SDK1: variants seen among roughly 807,000 people sequenced by gnomAD.
SDK1 encodes protein sidekick-1.
In SDK1, 157 loss-of-function variants were observed where a neutral mutation model predicts 245.5. That is an observed-to-expected ratio of 0.64 (90% CI 0.56 to 0.73). The LOEUF (loss-of-function observed/expected upper bound fraction) is 0.73. Among genes scored for constraint, SDK1 ranks in the 30% least tolerant of loss-of-function variants. The pLI, the probability that SDK1 is intolerant of heterozygous loss-of-function variation, is 0.00. For synonymous variants in SDK1, 1,647 were observed against 1,278.5 expected (o/e 1.29, Z -6.15); for missense variants, 3,583 against 3,002.3 (o/e 1.19, Z -4.52).
chr7:3,940,473 T>C (rs1371108517), intron 5 of SDK1, among the ~76,000 whole-genome samples: 5 of 152,342 alleles, frequency 3.3e-5, no homozygotes, highest in Non-Finnish European at 7.3e-5. Flanking sequence ...TCCCGTTTTA[T>C]GGCATCTTCT....
chr7:3,916,765 C>T (rs1053044410), intron 5 of SDK1, among the ~76,000 whole-genome samples: 2 of 152,208 alleles, frequency 1.3e-5, no homozygotes, highest in African/African-American at 2.4e-5. Flanking sequence ...ATATACTTTA[C>T]ATTACCCTTC....
At chr7:3,657,865 A>G (rs892377054) in intron 4 of SDK1, among the ~76,000 whole-genome samples, 1 of 152,236 alleles carries the variant, frequency 6.6e-6, no homozygotes, top group Non-Finnish European at 1.5e-5. Flanking sequence ...GAAAGTGGCT[A>G]AATGATATAA....
At chr7:3,860,924 G>T (rs932595014) in intron 5 of SDK1, among the ~76,000 whole-genome samples, 1 of 152,106 alleles carries the variant, frequency 6.6e-6, no homozygotes, top group African/African-American at 2.4e-5. Context: ...TTAAAAACCT[G>T]CTTGCAACAA....
intron 26 of SDK1, among the ~76,000 whole-genome samples, chr7:4,128,870 G>T (rs1784577020): frequency 7.1e-6 from 1 of 140,502 alleles, no homozygotes. Flanking sequence ...GCAGCTTGGG[G>T]TGGGGTGCCC....
intron 32 of SDK1, among the ~76,000 whole-genome samples, chr7:4,167,381 G>A (rs1349094015): frequency 2.0e-5 from 3 of 151,914 alleles, no homozygotes; most frequent in African/African-American, 4.8e-5. Flanking sequence ...CCAGCCTGGC[G>A]ACAGAGCAAG....
intron 1 of SDK1, among the ~76,000 whole-genome samples, chr7:3,614,750 T>C (rs921814806): frequency 1.3e-5 from 2 of 152,208 alleles, no homozygotes; most frequent in African/African-American, 4.8e-5. Context: ...AAAATACGTG[T>C]CGTTATGATT....
intron 4 of SDK1, among the ~76,000 whole-genome samples, chr7:3,775,484 C>G (rs909923340): frequency 2.0e-5 from 3 of 151,392 alleles, no homozygotes; most frequent in Non-Finnish European, 4.4e-5. Context: ...ATCTCCAGCT[C>G]TGACACATAT....
intron 44 of SDK1, among the ~76,000 whole-genome samples, chr7:4,250,391 T>TGG: frequency 6.6e-6 from 1 of 152,210 alleles, no homozygotes; most frequent in South Asian, 2.1e-4. Flanking sequence ...TCGCTCAGGC[T>TGG]GGAGTGCAGT....
intron 22 of SDK1, among the ~76,000 whole-genome samples, chr7:4,099,277 T>G (rs73044491): frequency 6.6e-6 from 1 of 150,508 alleles, no homozygotes; most frequent in African/African-American, 2.4e-5. Context: ...GAGAGACAAA[T>G]GGCATTGGAA....
intron 22 of SDK1, among the ~76,000 whole-genome samples, chr7:4,092,993 T>G (rs1044170826): frequency 5.9e-5 from 9 of 152,178 alleles, no homozygotes; most frequent in African/African-American, 1.2e-4. Flanking sequence ...TTTTTAAAAG[T>G]GCACCAAGAA....
intron 1 of SDK1, among the ~76,000 whole-genome samples, chr7:3,349,222 A>C (rs1043386112): frequency 1.3e-5 from 2 of 152,104 alleles, no homozygotes; most frequent in African/African-American, 4.8e-5. Context: ...CAACAAAACA[A>C]ACACACAACA....
At chr7:3,479,597 C>T (rs900303660) in intron 1 of SDK1, among the ~76,000 whole-genome samples, 1 of 151,608 alleles carries the variant, frequency 6.6e-6, no homozygotes, top group African/African-American at 2.4e-5. Context: ...GGCATGGTGG[C>T]TCACGCCTGT....
intron 4 of SDK1, among the ~76,000 whole-genome samples, chr7:3,700,142 C>G (rs1395887578): frequency 6.6e-6 from 1 of 152,078 alleles, no homozygotes; most frequent in Non-Finnish European, 1.5e-5. Flanking sequence ...CAGACATTCT[C>G]AAATGAAGGG....
Position 4,026,767 on chromosome 7 carries a change from C to T in SDK1, c.2602+9415C>T, listed in dbSNP as rs1164537457. Among the ~76,000 whole-genome samples, 3 of 152,132 alleles carry T rather than the reference C, an allele frequency of 2.0e-5. No homozygotes were observed. The highest frequency in any genetic ancestry group is 6.5e-5 in the Admixed American group (1 of 15,280). On this transcript the variant is annotated intron_variant, in intron 17 of 44. Transcript: ENST00000404826. The surrounding 1 kb of genome is among the most constrained non-coding windows in gnomAD (Gnocchi z 4.1). The stretch of plus-strand genomic sequence containing the variant: ...ATCAAAACTGCAAGCACCATAACAA[C>T]GCGAGAACTCAGCCGTGGCCCATAA...
At chr7:3,550,098 ACATG>A (rs1248254696) in intron 1 of SDK1, among the ~76,000 whole-genome samples, 1 of 152,208 alleles carries the variant, frequency 6.6e-6, no homozygotes, top group Non-Finnish European at 1.5e-5. Context: ...CAAATCATAT[ACATG>A]GGCATGCATG....
intron 17 of SDK1, among the ~76,000 whole-genome samples, chr7:4,031,523 G>A (rs914643949): frequency 7.3e-5 from 11 of 151,622 alleles, no homozygotes; most frequent in East Asian, 1.9e-4. Context: ...AAACCTTCCC[G>A]ATTACTAAAA....
chr7:3,652,352 C>G (rs1473368244), intron 4 of SDK1, among the ~76,000 whole-genome samples: 1 of 152,102 alleles, frequency 6.6e-6, no homozygotes, highest in Non-Finnish European at 1.5e-5. Flanking sequence ...AAAGTCCTGG[C>G]AAATGTGACC....
chr7:4,108,461 C>T (rs1584159671), intron 22 of SDK1, among the ~76,000 whole-genome samples: 1 of 151,392 alleles, frequency 6.6e-6, no homozygotes, highest in Admixed American at 6.6e-5. Flanking sequence ...TGATGTCTAC[C>T]CCAGTGCTGA....
chr7:3,491,734 G>A (rs1781869149), intron 1 of SDK1, among the ~76,000 whole-genome samples: 1 of 152,208 alleles, frequency 6.6e-6, no homozygotes, highest in Admixed American at 6.5e-5. Flanking sequence ...TAACCCGAGT[G>A]TTACGGCTTT....
Sources: allele counts gnomAD v4.1 joint callset (sites outside exome capture counted in the v4.1 genomes callset), GRCh38; gene constraint gnomAD v4.1.1; non-coding constraint Gnocchi (gnomAD v3.1); transcripts MANE v1.5; gene names NCBI Gene and HGNC (gene_info 2026-07-23, HGNC 2026-07-21).